CCP110: variants seen among roughly 807,000 people sequenced by gnomAD.
The protein encoded by CCP110 is centriolar coiled-coil protein of 110 kDa.
In CCP110, 43 loss-of-function variants were observed where a neutral mutation model predicts 105.5. That is an observed-to-expected ratio of 0.41 (90% CI 0.32 to 0.53). The LOEUF is 0.53. Among genes scored for constraint, CCP110 ranks in the 20% least tolerant of loss-of-function variants. The pLI, the probability that CCP110 is intolerant of heterozygous loss-of-function variation, is 0.32. For missense variants in CCP110, 1,016 were observed against 1,189.1 expected, an observed-to-expected ratio of 0.85 and a Z score of 2.14; for synonymous variants, 353 against 392.1, an observed-to-expected ratio of 0.90 and a Z score of 1.18.
At position 19,546,740 on chromosome 16, in the gene CCP110, G is replaced by A. The variant is rs574462145; in HGVS notation, c.2840+266G>A. On this transcript the variant is annotated intron_variant, in intron 12 of 14. Coordinates refer to ENST00000381396, the Ensembl canonical transcript of CCP110. ...TGAGGCAGGAGAATCGCTTGAACCC[G>A]GGAGGCAGAGGTTGCAGTGAGCCAA... 51 of 237,370 alleles carry A rather than the reference G, an allele frequency of 2.1e-4. No homozygotes were observed. In the East Asian group the frequency reaches 4.2e-3, roughly 20 times the overall value. The allele number at this position is 237,370 out of a possible 1,614,324, so 14.7% of individuals were successfully genotyped here. A position where few individuals can be genotyped will look rare whatever the true frequency, so the allele number is the denominator to read the frequency against.
rs1567362252 is a variant in CCP110 at position 19,542,793 on chromosome 16, CTATT to C, written c.2367+37_2367+40del. 3 of 1,588,644 alleles carry C rather than the reference CTATT, an allele frequency of 1.9e-6. No homozygotes were observed. The South Asian group carries it at 3.3e-5, about 18-fold the overall frequency. ...AACTTAATGATACATGTCCATCTAT[CTATT>C]TATCTTTTCTTAAGAGCTATATTAT... On this transcript the variant is annotated intron_variant, in intron 7 of 14. Transcript: ENST00000381396.
intron 2 of CCP110, among the ~76,000 whole-genome samples, chr16:19,529,026 T>C (rs1969774729): frequency 6.6e-6 from 1 of 152,234 alleles, no homozygotes; most frequent in African/African-American, 2.4e-5. Context: ...CTGTGTAAAC[T>C]TGTGGTCCAT....
chr16:19,530,141 G>C (rs1969812613), intron 2 of CCP110, among the ~76,000 whole-genome samples: 1 of 151,990 alleles, frequency 6.6e-6, no homozygotes, highest in Non-Finnish European at 1.5e-5. Context: ...AGGCTGCGGT[G>C]AACCCTGATC....
Position 19,545,819 on chromosome 16 carries a change from T to C in CCP110, c.2706T>C (p.Asp902=), listed in dbSNP as rs765713939. 3.8e-6 allele frequency: 6 copies of C among 1,587,384 alleles called. No individual in the cohort carries two copies. The South Asian group carries it at 6.6e-5, about 18-fold the overall frequency. The stretch of plus-strand genomic sequence containing the variant: ...GACGTTACTTTTGTATATTAAAGGA[T>C]AAAATGAAAAGTCCACGAGTGGCTC... Residue 902 remains aspartate, a splice_region_variant and synonymous_variant, in exon 11 of 15, where the codon GAT becomes GAC. Transcript: ENST00000381396.
In CCP110 at chr16:19,536,871, CT is replaced by C. The variant is rs752024716; in HGVS notation, c.1203del (p.Gly403GlufsTer8). 3.7e-6 allele frequency: 6 copies of C among 1,614,020 alleles called. No individual in the cohort carries two copies. Among genetic ancestry groups the C allele is most frequent in the Non-Finnish European group, 5.1e-6 (6 of 1,180,008 alleles). ...CCAATAAATGCCTGTGAATTAAGCC[CT>C]AAAGGAAAAGAACAGGCAATGGACT... On this transcript the variant is annotated frameshift_variant, in exon 4 of 15. Transcript: ENST00000381396. LOFTEE classifies it high-confidence loss of function.
At chr16:19,550,505 A>G (rs1428708897) in intron 14 of CCP110, among the ~76,000 whole-genome samples, 1 of 152,162 alleles carries the variant, frequency 6.6e-6, no homozygotes, top group Admixed American at 6.5e-5. Context: ...GCTGGTTAAA[A>G]TGCTAACTAT....
Position 19,548,252 on chromosome 16 carries a change from C to A in CCP110, c.2900+238C>A. ...GATGTTTTTACTTTTCATTTCATAC[C>A]ATTTTACTCATAAAGTATTTTAAAT... On this transcript the variant is annotated intron_variant, in intron 13 of 14. Transcript: ENST00000381396. The surrounding 1 kb of genome is among the most constrained non-coding windows in gnomAD (Gnocchi z 4.1). 3 of 574,890 alleles carry A rather than the reference C, an allele frequency of 5.2e-6. No homozygotes were observed. Among genetic ancestry groups the A allele is most frequent in the Non-Finnish European group, 9.2e-6 (3 of 326,440 alleles). 35.6% of individuals were successfully genotyped at this position (574,890 alleles called of 1,614,324 possible).
In CCP110 at chr16:19,537,604, G is replaced by GGTATCAAA; in HGVS notation, c.1918+17_1918+18insGTATCAAA. 7.3e-7 allele frequency: 1 copy of GGTATCAAA among 1,367,074 alleles called. No individual in the cohort carries two copies. Among genetic ancestry groups the GGTATCAAA allele is most frequent in the Non-Finnish European group, 1.0e-6 (1 of 990,522 alleles). 84.7% of individuals were successfully genotyped at this position (1,367,074 alleles called of 1,614,324 possible). On this transcript the variant is annotated intron_variant, in intron 4 of 14. Coordinates refer to ENST00000381396, the Ensembl canonical transcript of CCP110. ...GTTCCAAAGGTAAGGAATCTTTGAA[G>GGTATCAAA]CGTTTGATACCTTCTATGCAGATAC... is the stretch of plus-strand genomic sequence containing the variant.
Position 19,536,437 on chromosome 16 carries a change from TA to T in CCP110, c.770del (p.Asn257MetfsTer5). Reference sequence around the variant, plus strand: ...TGAGAGGTAGTATCAACAGAATTGTTAATGAGAGTCATTTAGACAAAGAACA... The same window carrying T: ...TGAGAGGTAGTATCAACAGAATTGTTATGAGAGTCATTTAGACAAAGAACA... On this transcript the variant is annotated frameshift_variant, in exon 4 of 15. Transcript: ENST00000381396. LOFTEE classifies it high-confidence loss of function. The T allele has an allele frequency of 6.2e-7, 1 of 1,613,908 alleles. No individual in the cohort carries two copies. Among genetic ancestry groups the T allele is most frequent in the Non-Finnish European group, 8.5e-7 (1 of 1,179,940 alleles).
At chr16:19,542,096 A>G (rs1459510310) in intron 6 of CCP110, 32 bp downstream of exon 6, 1 of 1,400,892 alleles carries the variant, frequency 7.1e-7, no homozygotes, top group Non-Finnish European at 9.8e-7. Flanking sequence ...TACATTTGGG[A>G]AAGTGATCCT....
At chr16:19,543,350 T>G (rs1970353436) in intron 8 of CCP110, among the ~76,000 whole-genome samples, 1 of 152,234 alleles carries the variant, frequency 6.6e-6, no homozygotes, top group African/African-American at 2.4e-5. Context: ...ATTAATACTT[T>G]TATAATTTCT....
intron 2 of CCP110, among the ~76,000 whole-genome samples, chr16:19,531,179 A>G (rs1969854135): frequency 6.6e-6 from 1 of 152,234 alleles, no homozygotes; most frequent in Admixed American, 6.5e-5. Context: ...CTATTTGATA[A>G]CACATTGCTT....
chr16:19,548,000 A>G, exon 13 of CCP110: 1 of 1,610,462 alleles, frequency 6.2e-7, no homozygotes, highest in Non-Finnish European at 8.5e-7. Flanking sequence ...TTCATAGGCT[A>G]CTTAGTAGAC....
chr16:19,542,173 A>G (rs527264489), intron 6 of CCP110, 109 bp downstream of exon 6: 9 of 730,576 alleles, frequency 1.2e-5, no homozygotes, highest in South Asian at 2.2e-5. Flanking sequence ...TCCATGTCCA[A>G]CCCTCTTTGC....
chr16:19,545,161 T>C (rs1567364708), exon 10 of CCP110: 1 of 1,612,290 alleles, frequency 6.2e-7, no homozygotes, highest in African/African-American at 1.3e-5. Context: ...AGAATGTCTA[T>C]TCTACATCAT....
At chr16:19,537,249 C>T in exon 4 of CCP110, 1 of 1,614,142 alleles carries the variant, frequency 6.2e-7, no homozygotes, top group Non-Finnish European at 8.5e-7. Context: ...GGACTCAAGC[C>T]AGCCAGTATG....
chr16:19,544,477 A>G (rs566248750), intron 8 of CCP110, among the ~76,000 whole-genome samples: 2 of 152,326 alleles, frequency 1.3e-5, no homozygotes, highest in South Asian at 4.1e-4. Context: ...AACATGTACA[A>G]ATTTTTTTTC....
chr16:19,538,299 G>GTTTTTTTTT (rs1555491002), intron 4 of CCP110, among the ~76,000 whole-genome samples: 17 of 86,824 alleles, frequency 2.0e-4, no homozygotes, highest in African/African-American at 6.6e-4. Flanking sequence ...GGAGGAAACA[G>GTTTTTTTTT]TTCTTTTTTT....
At chr16:19,525,866 G>A (rs78254460) in intron 1 of CCP110, 2 of 152,726 alleles carry the variant, frequency 1.3e-5, no homozygotes, top group East Asian at 3.9e-4. Context: ...ATAGTGGTAA[G>A]TGCTATGAAA....
Sources: allele counts gnomAD v4.1 joint callset (sites outside exome capture counted in the v4.1 genomes callset), GRCh38; gene constraint gnomAD v4.1.1; non-coding constraint Gnocchi (gnomAD v3.1); transcripts MANE v1.5; gene names NCBI Gene and HGNC (gene_info 2026-07-23, HGNC 2026-07-21).